CNTN6: variants seen among roughly 807,000 people sequenced by gnomAD.
CNTN6 encodes the protein contactin 6.
A neutral mutation model predicts 122.8 loss-of-function variants in CNTN6; 137 were observed. The ratio of observed to expected loss-of-function variants is 1.12; its 90% CI spans 0.97 to 1.29. The LOEUF is 1.29. Ranked by LOEUF, CNTN6 falls within the 50% of genes most tolerant of loss-of-function variation. The pLI, the probability that CNTN6 is intolerant of heterozygous loss-of-function variation, is 0.00. For synonymous variants in CNTN6, 570 were observed against 426.0 expected (o/e 1.34, Z -4.16); for missense variants, 1,634 against 1,223.4 (o/e 1.34, Z -5.01).
intron 7 of CNTN6, among the ~76,000 whole-genome samples, chr3:1,316,503 A>G (rs1700116873): frequency 6.6e-6 from 1 of 151,866 alleles, no homozygotes; most frequent in African/African-American, 2.4e-5. Flanking sequence ...GTGCTAAACC[A>G]TTAATGAATG....
intron 1 of CNTN6, 124 bp downstream of exon 1, chr3:1,093,244 G>A: frequency 5.6e-6 from 1 of 177,656 alleles, no homozygotes; most frequent in Non-Finnish European, 1.2e-5. Context: ...TGGGGTTGGG[G>A]GAGAAGTCAC....
chr3:1,321,873 G>T, intron 8 of CNTN6, 39 bp downstream of exon 8: 1 of 1,471,352 alleles, frequency 6.8e-7, no homozygotes, highest in African/African-American at 1.4e-5. Context: ...AAAATATTTG[G>T]TAATGCCCTT....
At chr3:1,396,356 C>T (rs552367620) in intron 20 of CNTN6, among the ~76,000 whole-genome samples, 4 of 152,180 alleles carry the variant, frequency 2.6e-5, no homozygotes, top group East Asian at 3.9e-4. Context: ...AATGTATTTG[C>T]GTTTTTCTAA....
At chr3:1,103,104 T>G (rs1312560146) in intron 1 of CNTN6, among the ~76,000 whole-genome samples, 1 of 152,000 alleles carries the variant, frequency 6.6e-6, no homozygotes. Context: ...AGACTCCGTC[T>G]CAAAAAATAA....
At chr3:1,208,387 C>T (rs2093986308) in intron 2 of CNTN6, among the ~76,000 whole-genome samples, 2 of 152,010 alleles carry the variant, frequency 1.3e-5, no homozygotes, top group Admixed American at 1.3e-4. Flanking sequence ...CTTCTTAAAA[C>T]TTCCTTACTG....
chr3:1,302,989 C>T (rs888272245), intron 7 of CNTN6, among the ~76,000 whole-genome samples: 2 of 151,836 alleles, frequency 1.3e-5, no homozygotes, highest in Non-Finnish European at 2.9e-5. Flanking sequence ...TCTATTGATA[C>T]TGCTTGTCAT....
intron 2 of CNTN6, chr3:1,173,347 C>T: frequency 2.2e-6 from 1 of 455,788 alleles, no homozygotes; most frequent in Non-Finnish European, 4.4e-6. Context: ...GTAAAAACAG[C>T]TGCCTTTACT....
intron 4 of CNTN6, among the ~76,000 whole-genome samples, chr3:1,238,449 T>A (rs1469726239): frequency 3.3e-5 from 5 of 152,176 alleles, no homozygotes; most frequent in Non-Finnish European, 2.9e-5. Flanking sequence ...AAACAATTAC[T>A]ACTATACCTA....
At chr3:1,274,161 TA>T (rs1281306682) in intron 4 of CNTN6, among the ~76,000 whole-genome samples, 2 of 140,756 alleles carry the variant, frequency 1.4e-5, no homozygotes, top group East Asian at 4.4e-4. Context: ...TTCAATATAT[TA>T]ATTTTTTTTG....
Position 1,352,362 on chromosome 3 carries a change from A to T in CNTN6, c.1403A>T (p.Asn468Ile). The part of the protein sequence containing the change: ...LLEDGSLKIY[N>I]ITRSDAGSYT... ...GAGGATGGCAGCCTCAAGATATATA[A>T]TATTACCAGGTCAGATGCTGGATCA... Residue 468 changes from asparagine to isoleucine, a missense_variant, in exon 12 of 23, where the codon AAT becomes ATT. Asn to Ile is a moderately radical substitution (Grantham distance 149). Coordinates refer to ENST00000446702, the MANE Select transcript of CNTN6 (RefSeq NM_001289080.2). 1 of 1,579,522 alleles carries T rather than the reference A, an allele frequency of 6.3e-7. No individual in the cohort carries two copies. Among genetic ancestry groups the T allele is most frequent in the Non-Finnish European group, 8.6e-7 (1 of 1,159,136 alleles).
intron 4 of CNTN6, among the ~76,000 whole-genome samples, chr3:1,268,570 G>A (rs1483853297): frequency 1.6e-4 from 21 of 133,896 alleles, no homozygotes; most frequent in African/African-American, 6.0e-4. Flanking sequence ...TTGAGCCACT[G>A]CACTCCAGCC....
chr3:1,283,359 G>A (rs965289494), intron 5 of CNTN6, among the ~76,000 whole-genome samples: 2 of 152,138 alleles, frequency 1.3e-5, no homozygotes, highest in Admixed American at 1.3e-4. Context: ...TTCCACCATG[G>A]ATTCTCACTC....
rs1263863120 is a variant in CNTN6, at chr3:1,321,746, C to A, written c.858C>A (p.Asn286Lys). The A allele has an allele frequency of 1.2e-6, 2 of 1,611,790 alleles. No homozygotes were observed. The highest frequency in any genetic ancestry group is 1.6e-4 in the Middle Eastern group (1 of 6,064). ...SKSQAILEIP[N>K]FQQEDEGFYE... ...CCCAAGCTATCCTTGAAATCCCGAA[C>A]TTCCAACAAGAAGATGAAGGCTTTT... The change falls in exon 8 of 23, where the codon AAC (asparagine) becomes AAA (lysine). Residue 286 changes from asparagine to lysine, a missense_variant. Physicochemically the swap from Asn to Lys is moderately conservative, Grantham distance 94 (BLOSUM62 0). Coordinates refer to ENST00000446702, the MANE Select transcript of CNTN6 (RefSeq NM_001289080.2).
At chr3:1,398,661 G>A (rs1695281497) in intron 20 of CNTN6, among the ~76,000 whole-genome samples, 1 of 152,032 alleles carries the variant, frequency 6.6e-6, no homozygotes, top group African/African-American at 2.4e-5. Flanking sequence ...CTAACCAAAT[G>A]AGGAATATTT....
At chr3:1,306,573 TCTTAA>T (rs1698390894) in intron 7 of CNTN6, among the ~76,000 whole-genome samples, 4 of 152,220 alleles carry the variant, frequency 2.6e-5, no homozygotes, top group African/African-American at 9.6e-5. Flanking sequence ...AGGATTGGAG[TCTTAA>T]CTTCACTTGT....
At chr3:1,225,536 A>C (rs1321450366) in intron 3 of CNTN6, among the ~76,000 whole-genome samples, 1 of 152,222 alleles carries the variant, frequency 6.6e-6, no homozygotes, top group East Asian at 1.9e-4. Flanking sequence ...AATTAAAAGG[A>C]GCTGGCAAAC....
At chr3:1,192,654 T>C (rs2093718874) in intron 2 of CNTN6, among the ~76,000 whole-genome samples, 3 of 152,094 alleles carry the variant, frequency 2.0e-5, no homozygotes, top group Admixed American at 2.0e-4. Flanking sequence ...CACCTGCTGC[T>C]AGGCCTCACA....
intron 2 of CNTN6, among the ~76,000 whole-genome samples, chr3:1,192,088 T>C (rs1237610468): frequency 1.3e-5 from 2 of 152,200 alleles, no homozygotes; most frequent in Admixed American, 1.3e-4. Context: ...TTGATCCTTT[T>C]AGGTCAGTCC....
At chr3:1,373,499 A>C in intron 14 of CNTN6, 105 bp from the exon 15 acceptor site, 1 of 1,023,320 alleles carries the variant, frequency 9.8e-7, no homozygotes, top group Non-Finnish European at 1.4e-6. Context: ...CATTATGGTC[A>C]ATATTTTACT....
Sources: allele counts gnomAD v4.1 joint callset (sites outside exome capture counted in the v4.1 genomes callset), GRCh38; gene constraint gnomAD v4.1.1; transcripts MANE v1.5; gene names NCBI Gene and HGNC (gene_info 2026-07-23, HGNC 2026-07-21).